SVEP1: variants seen among roughly 807,000 people sequenced by gnomAD.
The protein encoded by SVEP1 is sushi, von Willebrand factor type A, EGF and pentraxin domain containing 1.
In SVEP1, 164 loss-of-function variants were observed where a neutral mutation model predicts 367.3. The observed-to-expected ratio is 0.45, with a 90% CI of 0.39 to 0.51. SVEP1 has a LOEUF of 0.51. SVEP1 is among the 20% of genes least tolerant of loss of function. The pLI is 0.00. For synonymous variants in SVEP1, 1,666 were observed against 1,611.6 expected, an observed-to-expected ratio of 1.03 and a Z score of -0.81; for missense variants, 4,117 against 4,425.3, an observed-to-expected ratio of 0.93 and a Z score of 1.98.
At position 110,408,347 on chromosome 9, in the gene SVEP1, G is replaced by T. The variant is rs755015350; in HGVS notation, c.7253C>A (p.Ser2418Tyr). 9.3e-6 allele frequency: 15 copies of T among 1,613,826 alleles called. No homozygotes were observed. The highest frequency in any genetic ancestry group is 1.3e-5 in the Non-Finnish European group (15 of 1,179,878). ...CVGGFFLRGN[S>Y]TTLCQPDGTW... is the part of the protein sequence containing the mutation. The stretch of plus-strand genomic sequence containing the variant: ...GCCATCAGGTTGGCAGAGGGTGGTA[G>T]AATTTCCTCTTAGGAAAAACCCACC... Residue 2418 changes from serine to tyrosine, a missense_variant, in exon 38 of 48, where the codon TCT (serine) becomes TAT (tyrosine). Ser to Tyr is a moderately radical substitution (Grantham distance 144, BLOSUM62 -2). Transcript: ENST00000374469.
chr9:110,558,513 C>CAAA (rs59604799), intron 1 of SVEP1, among the ~76,000 whole-genome samples: 38 of 90,732 alleles, frequency 4.2e-4, no homozygotes, highest in African/African-American at 8.4e-4. Flanking sequence ...GACCCTGTCT[C>CAAA]AAAAAAAAAA....
At chr9:110,440,753 G>T (rs895240512) in intron 27 of SVEP1, among the ~76,000 whole-genome samples, 1 of 152,124 alleles carries the variant, frequency 6.6e-6, no homozygotes, top group Non-Finnish European at 1.5e-5. Flanking sequence ...ATTGTCTAGC[G>T]TGATGTGTAT....
intron 36 of SVEP1, among the ~76,000 whole-genome samples, chr9:110,427,223 G>C (rs2118542088): frequency 6.7e-6 from 1 of 150,038 alleles, no homozygotes; most frequent in South Asian, 2.1e-4. Flanking sequence ...GCTTGCACCT[G>C]GGAGGTGGAG....
intron 17 of SVEP1, among the ~76,000 whole-genome samples, chr9:110,467,857 A>G (rs1021737903): frequency 1.3e-5 from 2 of 151,950 alleles, no homozygotes; most frequent in African/African-American, 4.8e-5. Context: ...GCTGGCCTTG[A>G]ACTCCTTGGC....
intron 27 of SVEP1, among the ~76,000 whole-genome samples, chr9:110,441,487 C>T (rs1011524772): frequency 1.6e-4 from 25 of 152,230 alleles, no homozygotes; most frequent in African/African-American, 5.8e-4. Context: ...CAGCTCTGTC[C>T]TTTGGGTCTT....
At position 110,429,313 on chromosome 9, in the gene SVEP1, C is replaced by A; in HGVS notation, c.5637G>T (p.Leu1879=). ...GACAGGATGATTCTTTATCACCGGC[C>A]AGAGTATATCCTTTATTACACCTAA... is the stretch of plus-strand genomic sequence containing the variant. ...VTYRCNKGYT[L]AGDKESSCLA... Residue 1879 remains leucine (L), a synonymous_variant, in exon 35 of 48, where the codon CTG becomes CTT. Transcript: ENST00000374469. 6.3e-7 allele frequency: 1 copy of A among 1,578,670 alleles called. No homozygotes were observed. The highest frequency in any genetic ancestry group is 1.2e-5 in the South Asian group (1 of 85,248).
intron 3 of SVEP1, among the ~76,000 whole-genome samples, chr9:110,539,951 A>G (rs1830124101): frequency 6.6e-6 from 1 of 152,098 alleles, no homozygotes; most frequent in Admixed American, 6.6e-5. Context: ...CAGCTCTATT[A>G]GCTGTGTGAC....
chr9:110,491,347 T>C (rs1233867856), intron 8 of SVEP1, among the ~76,000 whole-genome samples: 1 of 152,018 alleles, frequency 6.6e-6, no homozygotes, highest in Non-Finnish European at 1.5e-5. Flanking sequence ...TTAAATTTTT[T>C]CTTTCAGAAA....
At chr9:110,510,325 A>AAG (rs1829688320) in intron 5 of SVEP1, among the ~76,000 whole-genome samples, 1 of 152,184 alleles carries the variant, frequency 6.6e-6, no homozygotes, top group South Asian at 2.1e-4. Flanking sequence ...TTCTGTTTCC[A>AAG]AGCTCCTTCT....
At chr9:110,458,394 C>T in intron 20 of SVEP1, 77 bp downstream of exon 20, 2 of 1,233,866 alleles carry the variant, frequency 1.6e-6, no homozygotes, top group South Asian at 1.4e-5. Context: ...TGGTCCTTTT[C>T]CTGTGTGTGA....
chr9:110,399,756 A>C (rs151157009), intron 40 of SVEP1, among the ~76,000 whole-genome samples: 17 of 151,454 alleles, frequency 1.1e-4, no homozygotes, highest in Non-Finnish European at 2.5e-4. Flanking sequence ...CTGGTCTTGA[A>C]CTCCTGAGCT....
chr9:110,559,380 G>GA (rs1272642387), intron 1 of SVEP1, among the ~76,000 whole-genome samples: 2 of 151,734 alleles, frequency 1.3e-5, no homozygotes, highest in African/African-American at 4.8e-5. Flanking sequence ...GGAGAAAAGA[G>GA]AAAAAATAAC....
At chr9:110,473,297 A>T (rs537302652) in intron 14 of SVEP1, among the ~76,000 whole-genome samples, 3 of 152,122 alleles carry the variant, frequency 2.0e-5, no homozygotes, top group Non-Finnish European at 2.9e-5. Flanking sequence ...TAGCTGTTAT[A>T]AAAAAAATGA....
intron 22 of SVEP1, among the ~76,000 whole-genome samples, chr9:110,454,778 T>C (rs1221465270): frequency 1.3e-5 from 2 of 152,016 alleles, no homozygotes; most frequent in African/African-American, 4.8e-5. Flanking sequence ...GGAATAAAAA[T>C]AGGAACAATA....
intron 27 of SVEP1, among the ~76,000 whole-genome samples, chr9:110,441,853 C>A (rs528552418): frequency 6.6e-6 from 1 of 152,180 alleles, no homozygotes; most frequent in Non-Finnish European, 1.5e-5. Flanking sequence ...AGCTACCCTT[C>A]CTGCCATCTC....
chr9:110,506,095 T>G (rs1224094132), intron 5 of SVEP1, among the ~76,000 whole-genome samples: 1 of 152,182 alleles, frequency 6.6e-6, no homozygotes, highest in African/African-American at 2.4e-5. Flanking sequence ...TGTGTTAGTT[T>G]GCTGAGAATG....
At chr9:110,386,155 T>C (rs1184810298) in intron 42 of SVEP1, 81 bp from the exon 43 acceptor site, 18 of 1,449,616 alleles carry the variant, frequency 1.2e-5, no homozygotes, top group Admixed American at 2.2e-5. Flanking sequence ...GTAGTAGTCC[T>C]ATAAGAGATG....
intron 3 of SVEP1, among the ~76,000 whole-genome samples, chr9:110,528,160 A>C (rs57212495): frequency 2.0e-5 from 1 of 50,122 alleles, no homozygotes; most frequent in Non-Finnish European, 4.8e-5. Flanking sequence ...GTGTGTGTAT[A>C]TATATATATA....
At position 110,434,324 on chromosome 9, in the gene SVEP1, A is replaced by G. The variant is rs1828398904; in HGVS notation, c.5059+12T>C. Reference sequence around the variant, plus strand: ...AAAAGTCACTGAAATGGCTTCAAGAAAGGCAGCTCACGTTCACAGTGAGGA... The same window carrying G: ...AAAAGTCACTGAAATGGCTTCAAGAGAGGCAGCTCACGTTCACAGTGAGGA... On this transcript the variant is annotated intron_variant, in intron 30 of 47. Transcript: ENST00000374469. 1.3e-6 allele frequency: 2 copies of G among 1,580,930 alleles called. No homozygotes were observed. Among genetic ancestry groups the G allele is most frequent in the African/African-American group, 1.3e-5 (1 of 74,244 alleles).
Sources: gnomAD v4.1 joint callset for allele counts (sites outside exome capture counted in the v4.1 genomes callset) on GRCh38, gnomAD v4.1.1 for gene constraint, MANE v1.5 for transcripts, NCBI Gene and HGNC (gene_info 2026-07-23, HGNC 2026-07-21) for gene names.